Variants in CRACD observed in about 807,000 individuals in gnomAD.
CRACD encodes the protein capping protein inhibiting regulator of actin dynamics, also known as capping protein-inhibiting regulator of actin dynamics.
CRACD carries 56 observed loss-of-function variants against 106.8 expected under a neutral mutation model. The ratio of observed to expected loss-of-function variants is 0.52; its 90% CI spans 0.42 to 0.66. CRACD has a LOEUF of 0.66. Ranked by LOEUF, CRACD falls within the 30% of genes least tolerant of loss-of-function variation. The pLI is 0.00. For missense variants in CRACD, 1,730 were observed against 1,623.2 expected (o/e 1.07, Z -1.13); for synonymous variants, 754 against 670.8 (o/e 1.12, Z -1.92).
At chr4:56,213,339 A>C (rs1364306832) in intron 2 of CRACD, among the ~76,000 whole-genome samples, 1 of 152,188 alleles carries the variant, frequency 6.6e-6, no homozygotes, top group Non-Finnish European at 1.5e-5. Context: ...CCAGCCACTC[A>C]GGAGGCTGAG....
At chr4:56,308,484 A>G (rs560592569) in intron 5 of CRACD, among the ~76,000 whole-genome samples, 1 of 88,848 alleles carries the variant, frequency 1.1e-5, no homozygotes, top group Non-Finnish European at 3.3e-5. Flanking sequence ...AAAAAATGAA[A>G]AAACAAACAA....
At chr4:56,081,377 T>C (rs1176043586) in intron 1 of CRACD, among the ~76,000 whole-genome samples, 2 of 152,186 alleles carry the variant, frequency 1.3e-5, no homozygotes, top group African/African-American at 4.8e-5. Context: ...AGCATTTTTG[T>C]GTGTGTGTTG....
chr4:56,231,071 C>CA (rs149632401), intron 2 of CRACD, among the ~76,000 whole-genome samples: 67,148 of 126,762 alleles, frequency 0.53, 15,469 homozygotes, highest in East Asian at 0.59. Flanking sequence ...AACAAACAAA[C>CA]AAAAAAATTG....
intron 1 of CRACD, among the ~76,000 whole-genome samples, chr4:56,054,325 C>T (rs968351480): frequency 7.2e-5 from 11 of 152,100 alleles, no homozygotes; most frequent in Admixed American, 3.3e-4. Flanking sequence ...GGACCATAGG[C>T]GCATGCCACC....
intron 1 of CRACD, among the ~76,000 whole-genome samples, chr4:56,178,593 G>A (rs969178087): frequency 3.9e-4 from 60 of 152,258 alleles, no homozygotes; most frequent in African/African-American, 1.3e-3. Context: ...TCTTCTCTAA[G>A]CCCATACAAG....
intron 2 of CRACD, among the ~76,000 whole-genome samples, chr4:56,215,152 A>G (rs982725702): frequency 3.3e-5 from 5 of 152,162 alleles, no homozygotes; most frequent in African/African-American, 7.2e-5. Flanking sequence ...TAGGACCACA[A>G]GCACATACCA....
chr4:56,140,866 C>G (rs1353319789), intron 1 of CRACD, among the ~76,000 whole-genome samples: 1 of 152,180 alleles, frequency 6.6e-6, no homozygotes, highest in African/African-American at 2.4e-5. Flanking sequence ...AAAACTAAAC[C>G]CTGGGTATAT....
intron 3 of CRACD, among the ~76,000 whole-genome samples, chr4:56,277,496 C>G (rs970308807): frequency 6.6e-6 from 1 of 150,912 alleles, no homozygotes; most frequent in Non-Finnish European, 1.5e-5. Context: ...GAAGGAAACT[C>G]CTTCAACTTG....
chr4:56,287,060 C>G (rs1180731955), intron 3 of CRACD, among the ~76,000 whole-genome samples: 1 of 152,160 alleles, frequency 6.6e-6, no homozygotes, highest in East Asian at 1.9e-4. Context: ...TCAAAACGCC[C>G]TGTATTTTGA....
intron 2 of CRACD, among the ~76,000 whole-genome samples, chr4:56,227,218 G>T (rs1308127874): frequency 1.3e-5 from 2 of 152,158 alleles, no homozygotes; most frequent in Non-Finnish European, 2.9e-5. Context: ...TAAGCAAGTT[G>T]TTGCTGTAAA....
At chr4:56,057,820 T>TG (rs1560438251) in intron 1 of CRACD, among the ~76,000 whole-genome samples, 2 of 80,192 alleles carry the variant, frequency 2.5e-5, no homozygotes, top group Non-Finnish European at 2.4e-5. Context: ...TTTTGTTTTT[T>TG]TTTTTTTTTT....
intron 2 of CRACD, among the ~76,000 whole-genome samples, chr4:56,192,249 G>A (rs143280890): frequency 0.012 from 1,784 of 152,116 alleles, 26 homozygotes; most frequent in African/African-American, 0.04. Flanking sequence ...AAAATTAGCC[G>A]AGCATGGTGG....
rs1383670705 is a variant in CRACD at position 56,329,817 on chromosome 4, A to G, written c.*2013A>G. Among the ~76,000 whole-genome samples the G allele has an allele frequency of 2.0e-5, 3 of 152,198 alleles. No individual in the cohort carries two copies. The highest frequency in any genetic ancestry group is 7.2e-5 in the African/African-American group (3 of 41,446). The stretch of plus-strand genomic sequence containing the variant: ...CCTGTCAGCTTTGGACAATATCCCA[A>G]TTATGGCAGGGAACAGGTGGGGAAC... On this transcript the variant is annotated 3_prime_UTR_variant, in exon 11 of 11. Transcript: ENST00000682029.
At chr4:56,157,059 A>G (rs1735785219) in intron 1 of CRACD, among the ~76,000 whole-genome samples, 2 of 151,730 alleles carry the variant, frequency 1.3e-5, no homozygotes, top group South Asian at 4.1e-4. Context: ...AAAAATTAAA[A>G]AGACAAAGAA....
At chr4:56,057,836 T>TTTTTTTTTG (rs1732138160) in intron 1 of CRACD, among the ~76,000 whole-genome samples, 1 of 64,468 alleles carries the variant, frequency 1.6e-5, no homozygotes, top group Non-Finnish European at 2.9e-5. Flanking sequence ...TTTTTTTTTT[T>TTTTTTTTTG]GAGACGGAGT....
chr4:56,261,497 C>T lies in CRACD; in HGVS notation c.-188-10824C>T, dbSNP rs139143610. 2.4e-3 allele frequency among the ~76,000 whole-genome samples: 363 copies of T among 151,868 alleles called. 2 individuals carry two copies. The highest frequency in any genetic ancestry group is 8.3e-3 in the African/African-American group (344 of 41,406). On this transcript the variant is annotated intron_variant, in intron 2 of 10. Transcript: ENST00000682029. ...TCCCCAGTAGCTTGGATTACAGGTGCCCACCACCACGCCCAGCTAATTTTT... is the reference window on the plus strand; with the variant it reads ...TCCCCAGTAGCTTGGATTACAGGTGTCCACCACCACGCCCAGCTAATTTTT...
At chr4:56,088,002 T>G (rs1364637709) in intron 1 of CRACD, among the ~76,000 whole-genome samples, 3 of 152,154 alleles carry the variant, frequency 2.0e-5, no homozygotes, top group Admixed American at 6.5e-5. Flanking sequence ...GTCTAAAATT[T>G]AAATGCATTA....
At chr4:56,061,610 G>A (rs1351391244) in intron 1 of CRACD, among the ~76,000 whole-genome samples, 2 of 152,106 alleles carry the variant, frequency 1.3e-5, no homozygotes, top group Non-Finnish European at 2.9e-5. Flanking sequence ...TCCCTGCACC[G>A]TGGAGATGAC....
intron 4 of CRACD, among the ~76,000 whole-genome samples, chr4:56,306,453 C>T (rs1479064355): frequency 1.3e-5 from 2 of 152,116 alleles, no homozygotes; most frequent in African/African-American, 4.8e-5. Context: ...TTCAAGGTTG[C>T]AATGAGCCAA....
Sources: allele counts gnomAD v4.1 joint callset (sites outside exome capture counted in the v4.1 genomes callset), GRCh38; gene constraint gnomAD v4.1.1; transcripts MANE v1.5; gene names NCBI Gene and HGNC (gene_info 2026-07-23, HGNC 2026-07-21).